PHLPP1: variants seen among roughly 807,000 people sequenced by gnomAD.
The protein encoded by PHLPP1 is PH domain and leucine rich repeat protein phosphatase 1.
In PHLPP1, 42 loss-of-function variants were observed where a neutral mutation model predicts 117.2. The ratio of observed to expected loss-of-function variants is 0.36; its 90% confidence interval spans 0.28 to 0.46. The LOEUF is 0.46. PHLPP1 is among the 20% of genes least tolerant of loss of function. The pLI is 1.00. For synonymous variants in PHLPP1, 1,042 were observed against 970.7 expected (o/e 1.07, Z -1.37); for missense variants, 2,084 against 2,241.9 (o/e 0.93, Z 1.42).
chr18:62,884,952 T>C (rs1443659017), intron 4 of PHLPP1, among the ~76,000 whole-genome samples: 2 of 152,230 alleles, frequency 1.3e-5, no homozygotes, highest in South Asian at 2.1e-4. Context: ...GACTTAGATA[T>C]ATCTAAAGCT....
chr18:62,824,352 A>G (rs544740885), intron 1 of PHLPP1, among the ~76,000 whole-genome samples: 29 of 152,314 alleles, frequency 1.9e-4, no homozygotes, highest in African/African-American at 6.3e-4. Context: ...TAGCAGATCA[A>G]TGGTTAAACT....
intron 1 of PHLPP1, among the ~76,000 whole-genome samples, chr18:62,722,974 A>T (rs1568093957): frequency 1.3e-5 from 2 of 152,214 alleles, no homozygotes; most frequent in Non-Finnish European, 2.9e-5. Flanking sequence ...TTGTGTTACC[A>T]TGACTTGGCC....
At chr18:62,925,382 G>C (rs1273180450) in intron 10 of PHLPP1, among the ~76,000 whole-genome samples, 1 of 152,292 alleles carries the variant, frequency 6.6e-6, no homozygotes, top group African/African-American at 2.4e-5. Flanking sequence ...TTCCTGGGTG[G>C]ACTAGTACAA....
intron 1 of PHLPP1, among the ~76,000 whole-genome samples, chr18:62,823,996 G>T (rs1029453154): frequency 6.6e-6 from 1 of 152,120 alleles, no homozygotes; most frequent in East Asian, 1.9e-4. Context: ...GCCAGGCGTG[G>T]TGGCGGTTGC....
intron 1 of PHLPP1, among the ~76,000 whole-genome samples, chr18:62,791,523 C>T (rs529254648): frequency 3.3e-5 from 5 of 152,324 alleles, no homozygotes; most frequent in African/African-American, 1.2e-4. Flanking sequence ...TTGCTTCTGA[C>T]TTTATTCAAG....
chr18:62,890,520 C>T (rs1017291313), intron 4 of PHLPP1, among the ~76,000 whole-genome samples: 64 of 152,304 alleles, frequency 4.2e-4, no homozygotes, highest in Non-Finnish European at 4.9e-4. Flanking sequence ...CCCGCCTCAG[C>T]CTCCCAAAGT....
At chr18:62,939,285 G>A (rs1432299892) in intron 10 of PHLPP1, among the ~76,000 whole-genome samples, 9 of 151,888 alleles carry the variant, frequency 5.9e-5, no homozygotes, top group East Asian at 1.9e-4. Context: ...GAGCCACTGC[G>A]CCCAGCTGAG....
intron 3 of PHLPP1, among the ~76,000 whole-genome samples, chr18:62,840,532 CA>C (rs1915023505): frequency 6.6e-6 from 1 of 152,082 alleles, no homozygotes; most frequent in East Asian, 1.9e-4. Context: ...TATAATTTAT[CA>C]TTTTTATTGT....
At chr18:62,771,979 A>G (rs913433712) in intron 1 of PHLPP1, among the ~76,000 whole-genome samples, 1 of 152,206 alleles carries the variant, frequency 6.6e-6, no homozygotes, top group Admixed American at 6.5e-5. Flanking sequence ...TTCAGCCTGT[A>G]TGATCAGTTT....
At chr18:62,822,267 T>G (rs1217195063) in intron 1 of PHLPP1, among the ~76,000 whole-genome samples, 4 of 139,454 alleles carry the variant, frequency 2.9e-5, no homozygotes, top group East Asian at 2.0e-4. Flanking sequence ...AAAATAGTGT[T>G]TTTTTTTTTT....
At chr18:62,846,888 A>G (rs949745888) in intron 3 of PHLPP1, among the ~76,000 whole-genome samples, 4 of 152,150 alleles carry the variant, frequency 2.6e-5, no homozygotes, top group Non-Finnish European at 5.9e-5. Flanking sequence ...TACCTGTCTT[A>G]TTTCCTCACT....
At chr18:62,842,511 G>A (rs1368060766) in intron 3 of PHLPP1, among the ~76,000 whole-genome samples, 2 of 151,922 alleles carry the variant, frequency 1.3e-5, no homozygotes, top group South Asian at 2.1e-4. Flanking sequence ...ACAGGCGTGC[G>A]CCACCATGCC....
intron 14 of PHLPP1, among the ~76,000 whole-genome samples, chr18:62,967,190 G>C (rs1250335432): frequency 6.6e-6 from 1 of 152,224 alleles, no homozygotes; most frequent in Non-Finnish European, 1.5e-5. Flanking sequence ...GAATGAAAGT[G>C]CTACAGGTTG....
Position 62,978,795 on chromosome 18 carries a change from C to T in PHLPP1, c.4518C>T (p.Asn1506=), listed in dbSNP as rs1911284355. ...DEPPPGALSE[N]SPAYPSEQRC... ...CCCCGCCCGGAGCCCTAAGCGAGAACAGCCCTGCCTACCCCAGTGAGCAGC... is the reference window on the plus strand; with the variant it reads ...CCCCGCCCGGAGCCCTAAGCGAGAATAGCCCTGCCTACCCCAGTGAGCAGC... The change falls in exon 17 of 17, where the codon AAC becomes AAT. Residue 1506 remains asparagine (N), a synonymous_variant. Transcript: ENST00000262719. The surrounding 1 kb of genome is among the most constrained non-coding windows in gnomAD (Gnocchi z 7.0). 2 of 1,612,338 alleles carry T rather than the reference C, an allele frequency of 1.2e-6. No individual in the cohort carries two copies. The highest frequency in any genetic ancestry group is 1.7e-6 in the Non-Finnish European group (2 of 1,179,320).
intron 1 of PHLPP1, among the ~76,000 whole-genome samples, chr18:62,770,422 CAT>C (rs1281402980): frequency 1.3e-5 from 2 of 152,182 alleles, no homozygotes; most frequent in African/African-American, 2.4e-5. Context: ...CTCTGGTTAA[CAT>C]GTGTCAACTT....
chr18:62,948,766 TG>T (rs1403555481), intron 12 of PHLPP1, among the ~76,000 whole-genome samples: 1 of 152,124 alleles, frequency 6.6e-6, no homozygotes, highest in East Asian at 1.9e-4. Flanking sequence ...GTTTCATCCC[TG>T]GACAGATAGT....
At chr18:62,960,775 T>C (rs1051868645) in intron 13 of PHLPP1, among the ~76,000 whole-genome samples, 5 of 152,228 alleles carry the variant, frequency 3.3e-5, no homozygotes, top group Non-Finnish European at 7.3e-5. Context: ...TTTTAAAATA[T>C]TCACTTACTC....
intron 9 of PHLPP1, among the ~76,000 whole-genome samples, chr18:62,917,878 C>T (rs1375716364): frequency 6.6e-6 from 1 of 151,600 alleles, no homozygotes; most frequent in African/African-American, 2.4e-5. Context: ...TGATTTAATA[C>T]TCATACTTTG....
At chr18:62,905,917 C>T (rs1916837995) in intron 8 of PHLPP1, among the ~76,000 whole-genome samples, 1 of 152,104 alleles carries the variant, frequency 6.6e-6, no homozygotes. Context: ...TTCTTGAAGG[C>T]ACAAAGGCTT....
Sources: gnomAD v4.1 joint callset for allele counts (sites outside exome capture counted in the v4.1 genomes callset) on GRCh38, gnomAD v4.1.1 for gene constraint, Gnocchi (gnomAD v3.1) non-coding constraint, MANE v1.5 for transcripts, NCBI Gene and HGNC (gene_info 2026-07-23, HGNC 2026-07-21) for gene names.